The following PIAS1 variants were observed in gnomAD, a reference collection of about 807,000 sequenced individuals.
PIAS1 encodes protein inhibitor of activated STAT 1, also known as E3 SUMO-protein ligase PIAS1.
In PIAS1, 6 loss-of-function variants were observed where a neutral mutation model predicts 71.3. That is an observed-to-expected ratio of 0.08 (90% confidence interval 0.05 to 0.17). The LOEUF (loss-of-function observed/expected upper bound fraction) is 0.17, where lower values mean the gene tolerates loss of function less well. PIAS1 is among the 10% of genes least tolerant of loss of function. The pLI is 1.00. For missense variants in PIAS1, 555 were observed against 793.6 expected, an observed-to-expected ratio of 0.70 and a Z score of 3.61; for synonymous variants, 303 against 292.9, an observed-to-expected ratio of 1.03 and a Z score of -0.35.
chr15:68,086,813 T>A lies in PIAS1; in HGVS notation c.469+63T>A. ...AGGATGAATTTTCGTTTTAGGCTTTTACTTTGACCCAGTTTATTATTCATA... is the reference window on the plus strand; with the variant it reads ...AGGATGAATTTTCGTTTTAGGCTTTAACTTTGACCCAGTTTATTATTCATA... On this transcript the variant is annotated intron_variant, in intron 2 of 13. Coordinates refer to ENST00000249636, the MANE Select transcript of PIAS1 (RefSeq NM_016166.3). The surrounding 1 kb of genome is among the most constrained non-coding windows in gnomAD (Gnocchi z 7.2). 4.4e-6 allele frequency: 4 copies of A among 916,464 alleles called. No individual in the cohort carries two copies. The highest frequency in any genetic ancestry group is 6.8e-6 in the Non-Finnish European group (4 of 587,884). The allele number at this position is 916,464 out of a possible 1,614,324, so 56.8% of individuals were successfully genotyped here.
intron 1 of PIAS1, among the ~76,000 whole-genome samples, chr15:68,081,952 A>G (rs922573456): frequency 6.6e-6 from 1 of 151,886 alleles, no homozygotes; most frequent in Non-Finnish European, 1.5e-5. Context: ...GTAAAATTTC[A>G]GAACAGATTA....
intron 2 of PIAS1, among the ~76,000 whole-genome samples, chr15:68,096,708 A>C (rs1378225873): frequency 6.6e-6 from 1 of 151,918 alleles, no homozygotes; most frequent in African/African-American, 2.4e-5. Flanking sequence ...GTTCCTTTTC[A>C]GTGTGTTCAT....
intron 5 of PIAS1, among the ~76,000 whole-genome samples, chr15:68,146,365 T>G (rs1195293607): frequency 6.6e-6 from 1 of 152,178 alleles, no homozygotes; most frequent in East Asian, 1.9e-4. Context: ...CTAATAGTTT[T>G]CTCAGGTTTA....
intron 12 of PIAS1, among the ~76,000 whole-genome samples, 156 bp from the exon 13 acceptor site, chr15:68,183,474 G>A (rs2093068787): frequency 6.6e-6 from 1 of 152,104 alleles, no homozygotes; most frequent in Non-Finnish European, 1.5e-5. Flanking sequence ...TCTAAAGAAA[G>A]GAGAGACGTA....
chr15:68,139,389 C>G (rs1231328636), intron 2 of PIAS1, among the ~76,000 whole-genome samples: 1 of 152,146 alleles, frequency 6.6e-6, no homozygotes, highest in Non-Finnish European at 1.5e-5. Flanking sequence ...AGGTTGAACT[C>G]TAGATCAATG....
At chr15:68,125,076 T>C (rs2092641299) in intron 2 of PIAS1, among the ~76,000 whole-genome samples, 1 of 152,224 alleles carries the variant, frequency 6.6e-6, no homozygotes, top group Admixed American at 6.5e-5. Context: ...GTAAACACTA[T>C]TTGTAAGTGA....
intron 11 of PIAS1, among the ~76,000 whole-genome samples, chr15:68,179,561 G>GTTTTTTTT (rs1307028845): frequency 2.7e-4 from 8 of 30,188 alleles, no homozygotes; most frequent in East Asian, 1.7e-3. Context: ...CTCGTGAAAT[G>GTTTTTTTT]TTCTTTTTTT....
chr15:68,182,487 C>CTGTGTGTGTG (rs1324738147), intron 12 of PIAS1, among the ~76,000 whole-genome samples: 6 of 13,154 alleles, frequency 4.6e-4, no homozygotes, highest in South Asian at 2.4e-3. Context: ...ATTGCTCAGG[C>CTGTGTGTGTG]TGCGTGTGTG....
At chr15:68,147,096 C>T (rs1203431334) in intron 6 of PIAS1, among the ~76,000 whole-genome samples, 1 of 152,146 alleles carries the variant, frequency 6.6e-6, no homozygotes, top group Non-Finnish European at 1.5e-5. Flanking sequence ...TATAACTTTG[C>T]ATGCATATGA....
At position 68,178,710 on chromosome 15, in the gene PIAS1, A is replaced by G. The variant is rs35125010; in HGVS notation, c.1481+2056A>G. Among the ~76,000 whole-genome samples, 85,668 of 151,846 alleles carry G rather than the reference A, an allele frequency of 0.56. 25,081 individuals are homozygous for G. Among genetic ancestry groups the G allele is most frequent in the African/African-American group, 0.68 (28,166 of 41,392 alleles). ...TAAATACTTTTGGGCTAAATGCATC[A>G]TAATATATATATTTGTTCTGTTCTT... On this transcript the variant is annotated intron_variant, in intron 11 of 13. Coordinates refer to ENST00000249636, the MANE Select transcript of PIAS1 (RefSeq NM_016166.3). This position sits in a 1 kb window ranked among gnomAD's most constrained non-coding sequence, Gnocchi z 4.2.
At chr15:68,152,767 T>G (rs2092856751) in intron 6 of PIAS1, among the ~76,000 whole-genome samples, 1 of 152,224 alleles carries the variant, frequency 6.6e-6, no homozygotes, top group African/African-American at 2.4e-5. Context: ...AAATAGAAAC[T>G]GATCCTTCTC....
intron 1 of PIAS1, among the ~76,000 whole-genome samples, chr15:68,079,066 G>A: frequency 6.7e-6 from 1 of 148,622 alleles, no homozygotes; most frequent in East Asian, 2.0e-4. Flanking sequence ...TTTTCAAAGT[G>A]AGAAAACAGA....
intron 1 of PIAS1, among the ~76,000 whole-genome samples, chr15:68,082,232 C>G (rs2092235918): frequency 6.6e-6 from 1 of 151,954 alleles, no homozygotes; most frequent in African/African-American, 2.4e-5. Flanking sequence ...GAGGAAATAC[C>G]CCACTAAAAA....
intron 2 of PIAS1, among the ~76,000 whole-genome samples, chr15:68,119,862 T>C (rs532741854): frequency 1.1e-3 from 162 of 152,390 alleles, no homozygotes; most frequent in Middle Eastern, 6.8e-3. Flanking sequence ...ATTATGTACA[T>C]GTCCTCTTGA....
intron 9 of PIAS1, among the ~76,000 whole-genome samples, chr15:68,175,091 A>T (rs1288476768): frequency 6.6e-6 from 1 of 152,146 alleles, no homozygotes; most frequent in Non-Finnish European, 1.5e-5. Context: ...CATAATTGTG[A>T]TTGTACACTG....
chr15:68,083,303 A>G (rs2092246253), intron 1 of PIAS1, among the ~76,000 whole-genome samples: 1 of 152,124 alleles, frequency 6.6e-6, no homozygotes, highest in Non-Finnish European at 1.5e-5. Context: ...TTTTCTGTTG[A>G]AAGATGCTTC....
At chr15:68,082,186 C>T (rs1282116210) in intron 1 of PIAS1, among the ~76,000 whole-genome samples, 1 of 152,108 alleles carries the variant, frequency 6.6e-6, no homozygotes, top group Admixed American at 6.5e-5. Context: ...ATAAAAACAT[C>T]GTACCTCACA....
intron 12 of PIAS1, 112 bp downstream of exon 12, chr15:68,181,466 C>T (rs1307998643): frequency 3.0e-6 from 3 of 1,012,032 alleles, no homozygotes; most frequent in Non-Finnish European, 4.4e-6. Flanking sequence ...CCAACAGGGC[C>T]TTGGACCCAG....
Position 68,153,605 on chromosome 15 carries a change from GT to G in PIAS1, c.845del (p.Val282AspfsTer4). 1 of 1,542,740 alleles carries G rather than the reference GT, an allele frequency of 6.5e-7. No individual in the cohort carries two copies. The highest frequency in any genetic ancestry group is 8.9e-7 in the Non-Finnish European group (1 of 1,118,428). Reference sequence around the variant, plus strand: ...TTTTTTCCAGAACTATTCCATGGCAGTATATCTTGTAAAACAGTTGTCCTCA... The same window carrying G: ...TTTTTTCCAGAACTATTCCATGGCAGATATCTTGTAAAACAGTTGTCCTCA... Reference protein sequence around the residue: ...AEIGRNYSMAVYLVKQLSSTV... With the variant: ...AEIGRNYSMAXYLVKQLSSTV... On this transcript the variant is annotated frameshift_variant, in exon 7 of 14. Coordinates refer to ENST00000249636, the MANE Select transcript of PIAS1 (RefSeq NM_016166.3). LOFTEE classifies it high-confidence loss of function.
Sources: gnomAD v4.1 joint callset for allele counts (sites outside exome capture counted in the v4.1 genomes callset) on GRCh38, gnomAD v4.1.1 for gene constraint, Gnocchi (gnomAD v3.1) non-coding constraint, MANE v1.5 for transcripts, NCBI Gene and HGNC (gene_info 2026-07-23, HGNC 2026-07-21) for gene names.